HDAC9: variants seen among roughly 807,000 people sequenced by gnomAD.
The protein encoded by HDAC9 is MEF-2 interacting transcription repressor (MITR) protein.
Under a neutral mutation model 139.4 loss-of-function variants are expected in HDAC9, and 41 were observed. The ratio of observed to expected loss-of-function variants is 0.29; its 90% CI spans 0.23 to 0.38. HDAC9 has a LOEUF of 0.38. Ranked by LOEUF, HDAC9 falls within the 10% of genes least tolerant of loss-of-function variation. HDAC9 has a pLI of 1.00. For synonymous variants in HDAC9, 517 were observed against 476.2 expected (o/e 1.09, Z -1.12); for missense variants, 1,147 against 1,297.0 (o/e 0.88, Z 1.78).
chr7:18,459,015 C>A, intron 1 of HDAC9: 1 of 779,020 alleles, frequency 1.3e-6, no homozygotes, highest in African/African-American at 1.7e-5. Flanking sequence ...ACAACTTGGC[C>A]AAGATATGCT....
intron 12 of HDAC9, among the ~76,000 whole-genome samples, chr7:18,691,826 A>G (rs1346016263): frequency 2.0e-5 from 3 of 152,054 alleles, no homozygotes; most frequent in African/African-American, 7.2e-5. Context: ...CAAGATTGCC[A>G]ATGTGGGGTA....
chr7:18,691,477 G>A (rs1428647938), intron 12 of HDAC9, among the ~76,000 whole-genome samples: 4 of 151,828 alleles, frequency 2.6e-5, no homozygotes, highest in African/African-American at 9.7e-5. Context: ...TTTTTCCGTG[G>A]GCTGTTAATG....
At chr7:18,922,336 T>G (rs1004774098) in intron 22 of HDAC9, among the ~76,000 whole-genome samples, 1 of 152,046 alleles carries the variant, frequency 6.6e-6, no homozygotes, top group Non-Finnish European at 1.5e-5. Flanking sequence ...ATTAAACCTA[T>G]TATTTATAAT....
chr7:18,654,105 A>G (rs1262601464), intron 11 of HDAC9, among the ~76,000 whole-genome samples: 2 of 152,202 alleles, frequency 1.3e-5, no homozygotes, highest in African/African-American at 4.8e-5. Flanking sequence ...TTAGAAGAAC[A>G]ATTCTTTACA....
chr7:18,864,787 G>T (rs913901038), intron 21 of HDAC9, among the ~76,000 whole-genome samples: 1 of 152,120 alleles, frequency 6.6e-6, no homozygotes, highest in Non-Finnish European at 1.5e-5. Flanking sequence ...CACGGTTACA[G>T]AGTTTCCCTG....
At chr7:18,138,043 T>C (rs544173378) in intron 1 of HDAC9, among the ~76,000 whole-genome samples, 2 of 152,300 alleles carry the variant, frequency 1.3e-5, no homozygotes, top group South Asian at 4.1e-4. Context: ...GGAGAGTGTA[T>C]GTGTTGAGGA....
chr7:18,958,769 C>G (rs1417931719), intron 24 of HDAC9, among the ~76,000 whole-genome samples: 3 of 152,120 alleles, frequency 2.0e-5, no homozygotes, highest in African/African-American at 7.2e-5. Context: ...CATATTTATA[C>G]TCCTTGGCAC....
intron 8 of HDAC9, among the ~76,000 whole-genome samples, chr7:18,640,556 A>C: frequency 1.4e-5 from 2 of 147,408 alleles, no homozygotes; most frequent in East Asian, 4.0e-4. Context: ...CCTTCTCTCC[A>C]TCTCCTTTCC....
At chr7:18,991,430 GAT>G (rs1785941039) in intron 25 of HDAC9, among the ~76,000 whole-genome samples, 1 of 152,172 alleles carries the variant, frequency 6.6e-6, no homozygotes, top group Admixed American at 6.5e-5. Context: ...CACGAGGTCA[GAT>G]CAAGACCATC....
At chr7:18,834,528 CTTT>C (rs5882682) in intron 19 of HDAC9, among the ~76,000 whole-genome samples, 13 of 138,096 alleles carry the variant, frequency 9.4e-5, no homozygotes, top group Non-Finnish European at 6.3e-5. Flanking sequence ...TTATATCAGG[CTTT>C]TTTTTTTTTT....
Position 18,935,881 on chromosome 7 carries a change from A to G in HDAC9, c.2876A>G (p.His959Arg), listed in dbSNP as rs780099174. Reference sequence around the variant, plus strand: ...GTGGTGTTGGCTCTAGAAGGAGGACATGATCTCACAGCCATCTGTGATGCA... The same window carrying G: ...GTGGTGTTGGCTCTAGAAGGAGGACGTGATCTCACAGCCATCTGTGATGCA... The part of the protein sequence containing the change: ...GRVVLALEGG[H>R]DLTAICDASE... The change falls in exon 23 of 26, where the codon CAT becomes CGT. Residue 959 changes from histidine (H) to arginine (R), a missense_variant. Physicochemically the swap from His to Arg is conservative, Grantham distance 29 (BLOSUM62 0). Transcript: ENST00000686413. The G allele has an allele frequency of 6.2e-7, 1 of 1,613,874 alleles. No individual in the cohort carries two copies.
chr7:18,758,151 G>T (rs904836406), intron 14 of HDAC9, among the ~76,000 whole-genome samples: 2 of 152,088 alleles, frequency 1.3e-5, no homozygotes, highest in Non-Finnish European at 2.9e-5. Flanking sequence ...TCATTCCTAG[G>T]CCTGTGTTGG....
intron 1 of HDAC9, among the ~76,000 whole-genome samples, chr7:18,297,296 G>T (rs1347443811): frequency 6.6e-6 from 1 of 152,014 alleles, no homozygotes; most frequent in Admixed American, 6.6e-5. Context: ...CCACGTATAG[G>T]CTTCCTCGGG....
intron 21 of HDAC9, among the ~76,000 whole-genome samples, chr7:18,848,685 A>T (rs1462066687): frequency 1.3e-5 from 2 of 152,026 alleles, no homozygotes; most frequent in Non-Finnish European, 2.9e-5. Context: ...TTTTAATGGC[A>T]ACCTGAGCAG....
chr7:18,997,546 A>G lies in HDAC9; in HGVS notation c.*1484A>G, dbSNP rs1786537546. ...AAAGAGTTGATGTTTCTTTTTATAT[A>G]TTTTTCTAACTCAAAGGATATATTA... On this transcript the variant is annotated 3_prime_UTR_variant, in exon 26 of 26. Coordinates refer to ENST00000686413, the MANE Select transcript of HDAC9 (RefSeq NM_178425.4). 1 of 152,096 alleles carries G rather than the reference A, an allele frequency of 6.6e-6. No individual in the cohort carries two copies. Among genetic ancestry groups the G allele is most frequent in the Non-Finnish European group, 1.5e-5 (1 of 68,000 alleles). 9.4% of individuals were successfully genotyped at this position (152,096 alleles called of 1,614,324 possible).
At chr7:18,878,351 C>T (rs941800514) in intron 22 of HDAC9, among the ~76,000 whole-genome samples, 1 of 152,018 alleles carries the variant, frequency 6.6e-6, no homozygotes, top group Non-Finnish European at 1.5e-5. Flanking sequence ...TATGTTTTTC[C>T]TTTGGAATTA....
chr7:18,597,101 C>A (rs145529728), intron 6 of HDAC9, among the ~76,000 whole-genome samples: 1 of 152,198 alleles, frequency 6.6e-6, no homozygotes, highest in Non-Finnish European at 1.5e-5. Context: ...CTTCCTTCCC[C>A]TTAGGAGAAT....
intron 2 of HDAC9, among the ~76,000 whole-genome samples, chr7:18,213,649 C>G (rs546571285): frequency 6.6e-6 from 1 of 152,210 alleles, no homozygotes; most frequent in South Asian, 2.1e-4. Context: ...AATAGTAAAG[C>G]TAAATGTGTA....
At chr7:18,537,730 C>T (rs752583328) in intron 2 of HDAC9, among the ~76,000 whole-genome samples, 6 of 152,152 alleles carry the variant, frequency 3.9e-5, no homozygotes, top group Non-Finnish European at 8.8e-5. Context: ...ACTGGTTCAT[C>T]CCAGTCTGAC....
Sources: allele counts gnomAD v4.1 joint callset (sites outside exome capture counted in the v4.1 genomes callset), GRCh38; gene constraint gnomAD v4.1.1; transcripts MANE v1.5; gene names NCBI Gene and HGNC (gene_info 2026-07-23, HGNC 2026-07-21).